The following ASTN2 variants were observed in gnomAD, a reference collection of about 807,000 sequenced individuals.
ASTN2 encodes the protein astrotactin 2.
Under a neutral mutation model 139.8 loss-of-function variants are expected in ASTN2, and 54 were observed. That is an observed-to-expected ratio of 0.39 (90% CI 0.31 to 0.48). The LOEUF (loss-of-function observed/expected upper bound fraction) is 0.48. ASTN2 is among the 20% of genes least tolerant of loss of function. ASTN2 has a pLI of 0.95. For synonymous variants in ASTN2, 756 were observed against 719.5 expected (o/e 1.05, Z -0.81); for missense variants, 1,565 against 1,725.1 (o/e 0.91, Z 1.64).
rs764497334 is a variant in ASTN2, at chr9:116,863,608, C to A, written c.2015G>T (p.Arg672Leu). 15 of 1,614,120 alleles carry A rather than the reference C, an allele frequency of 9.3e-6. No individual in the cohort carries two copies. Among genetic ancestry groups the A allele is most frequent in the Non-Finnish European group, 1.3e-5 (15 of 1,180,008 alleles). Residue 672 changes from arginine to leucine, a missense_variant, in exon 11 of 23, where the codon CGG (arginine) becomes CTG (leucine). Around this residue, in one of 4 missense-constraint regions of ASTN2, gnomAD observed 503 missense variants for 591.7 expected, o/e 0.85. Transcript: ENST00000313400. ...CACACATCCCGAGGAATCCACCTGC[C>A]GGTCAGACACACACTTGAAGTTGCG... ...CTRNFKCVSD[R>L]QVDSSGCVCP...
chr9:117,060,932 A>G (rs1444934929), intron 5 of ASTN2, among the ~76,000 whole-genome samples: 2 of 152,018 alleles, frequency 1.3e-5, no homozygotes, highest in East Asian at 3.9e-4. Context: ...AGAAAGAAAA[A>G]ATAAAGTAGA....
rs542164238 is a variant in ASTN2, at chr9:116,928,337, GTATAA to G, written c.1889+46866_1889+46870del. ...AAAGTCCAGCAATTTAACCATTACA[GTATAA>G]TATATCTTTAAATAGAAATTCCAAT... On this transcript the variant is annotated intron_variant, in intron 10 of 22. Coordinates refer to ENST00000313400, the MANE Select transcript of ASTN2 (RefSeq NM_001365068.1). Among the ~76,000 whole-genome samples, 302 of 151,954 alleles carry G rather than the reference GTATAA, an allele frequency of 2.0e-3. 2 individuals carry two copies. Among genetic ancestry groups the G allele is most frequent in the Middle Eastern group, 0.01 (3 of 294 alleles).
In ASTN2 at chr9:116,803,404, T is replaced by A. The variant is rs1407126207; in HGVS notation, c.2396+2228A>T. ...GATCATAGCTCACTGTAACCTTGAA[T>A]GGCCAGGCTCAAGTGATGGTCCTGC... On this transcript the variant is annotated intron_variant, in intron 13 of 22. Transcript: ENST00000313400. Among the ~76,000 whole-genome samples the A allele has an allele frequency of 2.1e-5, 3 of 145,294 alleles. No individual in the cohort carries two copies. The South Asian group carries it at 6.6e-4, about 32-fold the overall frequency.
At chr9:117,204,143 C>T (rs747972153) in intron 3 of ASTN2, among the ~76,000 whole-genome samples, 5 of 152,214 alleles carry the variant, frequency 3.3e-5, no homozygotes, top group Admixed American at 1.3e-4. Flanking sequence ...CCGCCTACTG[C>T]CATTGCCGGT....
At chr9:117,385,751 A>G (rs1830378958) in intron 1 of ASTN2, among the ~76,000 whole-genome samples, 1 of 152,138 alleles carries the variant, frequency 6.6e-6, no homozygotes, top group Non-Finnish European at 1.5e-5. Context: ...AGAAAGGAGC[A>G]AGAGAGAGGA....
At chr9:116,695,396 A>G (rs1860791618) in intron 16 of ASTN2, among the ~76,000 whole-genome samples, 1 of 152,206 alleles carries the variant, frequency 6.6e-6, no homozygotes, top group Non-Finnish European at 1.5e-5. Context: ...TCAGGGAGGA[A>G]GGATTAACTT....
intron 1 of ASTN2, among the ~76,000 whole-genome samples, chr9:117,334,631 T>C (rs1828819926): frequency 1.3e-5 from 2 of 152,136 alleles, no homozygotes; most frequent in Admixed American, 1.3e-4. Context: ...CCAGCCACAG[T>C]GGCTTCATAG....
chr9:117,408,948 A>G (rs1298833694), intron 1 of ASTN2, among the ~76,000 whole-genome samples: 2 of 152,158 alleles, frequency 1.3e-5, no homozygotes, highest in Non-Finnish European at 2.9e-5. Context: ...AAAAGAGTAG[A>G]AGAATTAGAT....
At chr9:116,926,690 G>A (rs7048731) in intron 10 of ASTN2, among the ~76,000 whole-genome samples, 7,143 of 152,108 alleles carry the variant, frequency 0.047, 496 homozygotes, top group African/African-American at 0.15. Context: ...TCTTTTCCAG[G>A]ATCGTGAGTG....
At chr9:116,545,224 G>A (rs1852042249) in intron 19 of ASTN2, among the ~76,000 whole-genome samples, 1 of 152,206 alleles carries the variant, frequency 6.6e-6, no homozygotes, top group Non-Finnish European at 1.5e-5. Context: ...TAGAGTTTGA[G>A]AGGGCCTGGA....
chr9:116,653,596 A>G (rs765806985), intron 16 of ASTN2, among the ~76,000 whole-genome samples: 1 of 152,346 alleles, frequency 6.6e-6, no homozygotes, highest in African/African-American at 2.4e-5. Flanking sequence ...GGCAGCTTCA[A>G]CGAAGCCTAG....
intron 19 of ASTN2, among the ~76,000 whole-genome samples, chr9:116,572,782 AC>A (rs1853572816): frequency 1.3e-5 from 2 of 152,204 alleles, no homozygotes; most frequent in East Asian, 3.8e-4. Context: ...TGCAGCAGGG[AC>A]CCAAGGTGGA....
chr9:117,014,939 G>A (rs946031268), intron 6 of ASTN2, among the ~76,000 whole-genome samples: 38 of 152,116 alleles, frequency 2.5e-4, no homozygotes, highest in African/African-American at 4.8e-4. Flanking sequence ...TGTTGCTTAA[G>A]CAACTCAGGC....
intron 22 of ASTN2, among the ~76,000 whole-genome samples, chr9:116,436,773 A>G (rs961419174): frequency 6.6e-6 from 1 of 151,976 alleles, no homozygotes; most frequent in Non-Finnish European, 1.5e-5. Context: ...TGTTTATTGC[A>G]GCACTATTCA....
At chr9:116,865,765 G>T (rs1027063094) in intron 10 of ASTN2, among the ~76,000 whole-genome samples, 1 of 152,162 alleles carries the variant, frequency 6.6e-6, no homozygotes, top group Non-Finnish European at 1.5e-5. Flanking sequence ...GTACCTGCAG[G>T]CACCTCTCTC....
chr9:116,529,589 CA>C (rs1158014953), intron 19 of ASTN2, among the ~76,000 whole-genome samples: 3 of 151,980 alleles, frequency 2.0e-5, no homozygotes, highest in Non-Finnish European at 4.4e-5. Flanking sequence ...TGGGAGGGGC[CA>C]GGGGCAAAAT....
At chr9:116,967,750 G>A (rs1836058229) in intron 10 of ASTN2, among the ~76,000 whole-genome samples, 1 of 152,130 alleles carries the variant, frequency 6.6e-6, no homozygotes, top group Non-Finnish European at 1.5e-5. Flanking sequence ...CTGCTGCCGG[G>A]ATCCTTCTCA....
intron 13 of ASTN2, among the ~76,000 whole-genome samples, chr9:116,737,516 C>G (rs1366422217): frequency 2.8e-5 from 4 of 143,076 alleles, no homozygotes. Flanking sequence ...TACCACACAA[C>G]TAATTCGTAT....
chr9:117,348,523 G>T (rs527449906), intron 1 of ASTN2, among the ~76,000 whole-genome samples: 1 of 152,280 alleles, frequency 6.6e-6, no homozygotes, highest in Non-Finnish European at 1.5e-5. Context: ...TAAGCAAAGA[G>T]AAATGGATCT....
Sources: gnomAD v4.1 joint callset for allele counts (sites outside exome capture counted in the v4.1 genomes callset) on GRCh38, gnomAD v4.1.1 for gene constraint, gnomAD v4.1.1 regional missense constraint, MANE v1.5 for transcripts, NCBI Gene and HGNC (gene_info 2026-07-23, HGNC 2026-07-21) for gene names.